PCP4: variants seen among roughly 807,000 people sequenced by gnomAD.
The protein encoded by PCP4 is Purkinje cell protein 4, also known as calmodulin regulator protein PCP4.
Under a neutral mutation model 10.0 loss-of-function variants are expected in PCP4, and 8 were observed. That is an observed-to-expected ratio of 0.80 (90% CI 0.47 to 1.45). The LOEUF (loss-of-function observed/expected upper bound fraction) is 1.45, where lower values mean the gene tolerates loss of function less well. Ranked by LOEUF, PCP4 falls within the 40% of genes most tolerant of loss-of-function variation. The pLI is 0.00. For missense variants in PCP4, 54 were observed against 74.4 expected (o/e 0.73, Z 1.01); for synonymous variants, 21 against 23.0 (o/e 0.91, Z 0.24).
chr21:39,893,276 G>A (rs1011935124), intron 1 of PCP4, among the ~76,000 whole-genome samples: 7 of 152,136 alleles, frequency 4.6e-5, no homozygotes, highest in Admixed American at 3.9e-4. Context: ...GAACTGTCAG[G>A]AAAATTTACT....
chr21:39,922,706 A>G (rs2087602128), intron 2 of PCP4, among the ~76,000 whole-genome samples: 1 of 152,188 alleles, frequency 6.6e-6, no homozygotes, highest in Admixed American at 6.5e-5. Flanking sequence ...CCATTTTGCA[A>G]CTACACTGTT....
intron 1 of PCP4, among the ~76,000 whole-genome samples, chr21:39,881,850 C>T (rs755967264): frequency 6.6e-6 from 1 of 152,086 alleles, no homozygotes; most frequent in Non-Finnish European, 1.5e-5. Context: ...CCTTCTAGAC[C>T]GGAAAGATTA....
chr21:39,929,347 A>G lies in PCP4; in HGVS notation c.*236A>G. ...TCTCTCCATTTTCATTCCTCCTGCA[A>G]CTATTTTCCTTGATGTTGTAATAAA... On this transcript the variant is annotated 3_prime_UTR_variant, in exon 3 of 3. Transcript: ENST00000328619. The G allele has an allele frequency of 2.9e-6, 1 of 348,948 alleles. No individual in the cohort carries two copies. Among genetic ancestry groups the G allele is most frequent in the Non-Finnish European group, 5.1e-6 (1 of 194,820 alleles). 21.6% of individuals were successfully genotyped at this position (348,948 alleles called of 1,614,324 possible). A position where few individuals can be genotyped will look rare whatever the true frequency, so the allele number is the denominator to read the frequency against.
intron 1 of PCP4, among the ~76,000 whole-genome samples, chr21:39,875,605 T>C (rs1399069901): frequency 2.0e-5 from 3 of 152,198 alleles, no homozygotes; most frequent in South Asian, 2.1e-4. Context: ...CTTTCCACAA[T>C]TGTGGTTGCT....
Position 39,898,538 on chromosome 21 carries a change from A to G in PCP4, c.61+11A>G, listed in dbSNP as rs771529727. The G allele has an allele frequency of 3.6e-5, 58 of 1,610,014 alleles. No homozygotes were observed. Among genetic ancestry groups the G allele is most frequent in the African/African-American group, 1.6e-4 (12 of 74,848 alleles). On this transcript the variant is annotated intron_variant, in intron 2 of 2. Transcript: ENST00000328619. ...CATCTGGTGAAAATGGTAAGAGGAC[A>G]TGAATAGTCCAAGTTCTTTCTCTTT...
At chr21:39,912,312 G>GT (rs373532112) in intron 2 of PCP4, among the ~76,000 whole-genome samples, 14,020 of 121,614 alleles carry the variant, frequency 0.12, 913 homozygotes, top group East Asian at 0.36. Context: ...CTTTTGAAAG[G>GT]TTTTTTTTTT....
chr21:39,923,405 G>A (rs983539851), intron 2 of PCP4, among the ~76,000 whole-genome samples: 3 of 152,174 alleles, frequency 2.0e-5, no homozygotes, highest in African/African-American at 7.2e-5. Flanking sequence ...GACTGAAAAT[G>A]GGCTGCTGTG....
In PCP4 at chr21:39,910,655, G is replaced by C. The variant is rs1298481038; in HGVS notation, c.61+12128G>C. Among the ~76,000 whole-genome samples the C allele has an allele frequency of 3.3e-5, 5 of 152,188 alleles. No homozygotes were observed. The East Asian group carries it at 9.6e-4, about 29-fold the overall frequency. On this transcript the variant is annotated intron_variant, in intron 2 of 2. Transcript: ENST00000328619. ...TTCATAGAACTTTCAGAATAAGATA[G>C]AGCAATGTTTAGCATCCGATTTTGG...
At chr21:39,902,548 A>G (rs1048454312) in intron 2 of PCP4, among the ~76,000 whole-genome samples, 1 of 152,182 alleles carries the variant, frequency 6.6e-6, no homozygotes, top group East Asian at 1.9e-4. Flanking sequence ...TGTTGTCAAC[A>G]TGGTATTTAT....
chr21:39,928,921 G>A (rs2087637512), intron 2 of PCP4, 63 bp from the exon 3 acceptor site: 2 of 1,553,832 alleles, frequency 1.3e-6, no homozygotes, highest in African/African-American at 2.7e-5. Context: ...TATCTAGTGG[G>A]GCTGTCTGCT....
intron 1 of PCP4, among the ~76,000 whole-genome samples, chr21:39,871,000 C>G (rs1469018507): frequency 6.6e-6 from 1 of 152,182 alleles, no homozygotes; most frequent in Non-Finnish European, 1.5e-5. Context: ...TCTTTAGATA[C>G]ACATGTCTGT....
intron 2 of PCP4, among the ~76,000 whole-genome samples, chr21:39,918,743 C>T (rs1005714129): frequency 2.0e-5 from 3 of 152,112 alleles, no homozygotes; most frequent in Non-Finnish European, 4.4e-5. Context: ...AGCCCCCATT[C>T]GATAAATATG....
chr21:39,929,030 A>G lies in PCP4; in HGVS notation c.108A>G (p.Ala36=), dbSNP rs1169082351. The stretch of plus-strand genomic sequence containing the variant: ...AAGAATTTGACATTGACATGGATGC[A>G]CCAGAGACAGAACGTGCAGCGGTGG... The part of the protein sequence containing the change: ...VQEEFDIDMD[A]PETERAAVAI... Residue 36 remains alanine, a synonymous_variant, in exon 3 of 3, where the codon GCA becomes GCG. Transcript: ENST00000328619. 1.9e-6 allele frequency: 3 copies of G among 1,613,388 alleles called. No homozygotes were observed. The highest frequency in any genetic ancestry group is 2.5e-6 in the Non-Finnish European group (3 of 1,179,704).
intron 2 of PCP4, among the ~76,000 whole-genome samples, chr21:39,913,140 T>A (rs7276473): frequency 0.052 from 7,911 of 152,168 alleles, 722 homozygotes; most frequent in African/African-American, 0.18. Flanking sequence ...AGAACTCATC[T>A]TCCTGATAAG....
chr21:39,880,152 CTATATCTATATCTA>C (rs1483932809), intron 1 of PCP4, among the ~76,000 whole-genome samples: 1 of 139,748 alleles, frequency 7.2e-6, no homozygotes, highest in African/African-American at 3.3e-5. Flanking sequence ...ATATCTATAT[CTATATCTATATCTA>C]TATCTATATC....
chr21:39,899,028 G>A (rs908872565), intron 2 of PCP4, among the ~76,000 whole-genome samples: 1 of 152,162 alleles, frequency 6.6e-6, no homozygotes, highest in Non-Finnish European at 1.5e-5. Context: ...TGATAGCAGT[G>A]ACAGGAACAT....
intron 1 of PCP4, among the ~76,000 whole-genome samples, chr21:39,884,666 A>AC (rs2087391330): frequency 6.6e-6 from 1 of 151,560 alleles, no homozygotes; most frequent in Non-Finnish European, 1.5e-5. Flanking sequence ...GCGTGGTGGC[A>AC]TGTGCCTGTA....
chr21:39,926,326 A>T (rs1047030100), intron 2 of PCP4: 6 of 164,626 alleles, frequency 3.6e-5, no homozygotes, highest in African/African-American at 1.4e-4. Context: ...TTCATTATAT[A>T]TTTCCTTAAT....
At chr21:39,872,187 C>T (rs2087323754) in intron 1 of PCP4, among the ~76,000 whole-genome samples, 1 of 152,136 alleles carries the variant, frequency 6.6e-6, no homozygotes, top group South Asian at 2.1e-4. Flanking sequence ...TTAGTAGAGA[C>T]AGGGCTTCAC....
Sources: gnomAD v4.1 joint callset for allele counts (sites outside exome capture counted in the v4.1 genomes callset) on GRCh38, gnomAD v4.1.1 for gene constraint, MANE v1.5 for transcripts, NCBI Gene and HGNC (gene_info 2026-07-23, HGNC 2026-07-21) for gene names.